The following PCDHGA9 variants were observed in gnomAD, a reference collection of about 807,000 sequenced individuals.
PCDHGA9 encodes the protein protocadherin gamma subfamily A, 9.
PCDHGA9 carries 37 observed loss-of-function variants against 62.5 expected under a neutral mutation model. The ratio of observed to expected loss-of-function variants is 0.59; its 90% CI spans 0.46 to 0.78. The LOEUF (loss-of-function observed/expected upper bound fraction) is 0.78. Among genes scored for constraint, PCDHGA9 ranks in the 30% least tolerant of loss-of-function variants. The pLI, the probability that PCDHGA9 is intolerant of heterozygous loss-of-function variation, is 0.00. For missense variants in PCDHGA9, 1,138 were observed against 1,166.2 expected, an observed-to-expected ratio of 0.98 and a Z score of 0.35; for synonymous variants, 459 against 484.6, an observed-to-expected ratio of 0.95 and a Z score of 0.69.
intron 1 of PCDHGA9, among the ~76,000 whole-genome samples, chr5:141,459,812 A>G (rs1390780491): frequency 1.3e-5 from 2 of 152,232 alleles, no homozygotes; most frequent in South Asian, 2.1e-4. Context: ...GACTAGAGAC[A>G]CTGAGCAACT....
chr5:141,481,200 T>A (rs977235584), intron 1 of PCDHGA9, among the ~76,000 whole-genome samples: 2 of 152,178 alleles, frequency 1.3e-5, no homozygotes, highest in Non-Finnish European at 2.9e-5. Flanking sequence ...CCAATTTTTT[T>A]AAAAAACATG....
At chr5:141,501,334 C>CA (rs2099808390) in intron 2 of PCDHGA9, among the ~76,000 whole-genome samples, 1 of 145,376 alleles carries the variant, frequency 6.9e-6, no homozygotes, top group Non-Finnish European at 1.5e-5. Flanking sequence ...CACACACACA[C>CA]CCCAAACTCA....
At position 141,409,805 on chromosome 5, in the gene PCDHGA9, C is replaced by A. The variant is rs751397816; in HGVS notation, c.2424+4429C>A. On this transcript the variant is annotated intron_variant, in intron 1 of 3. Transcript: ENST00000573521. ...CGCCTTCGCGCTCACGCTGCAGGCC[C>A]GCGACCACGGCTCGCCCACGCTCAG... is the stretch of plus-strand genomic sequence containing the variant. 14 of 1,611,512 alleles carry A rather than the reference C, an allele frequency of 8.7e-6. No homozygotes were observed. Among genetic ancestry groups the A allele is most frequent in the Middle Eastern group, 1.6e-4 (1 of 6,072 alleles).
intron 1 of PCDHGA9, chr5:141,409,042 C>A: frequency 5.0e-6 from 8 of 1,614,034 alleles, no homozygotes; most frequent in Middle Eastern, 1.6e-4. Context: ...TAAACTACTA[C>A]TTCCGAAGCA....
In PCDHGA9 at chr5:141,403,394, C is replaced by A; in HGVS notation, c.442C>A (p.Pro148Thr). The A allele has an allele frequency of 6.2e-7, 1 of 1,614,054 alleles. No homozygotes were observed. The highest frequency in any genetic ancestry group is 1.1e-5 in the South Asian group (1 of 91,088). The change falls in exon 1 of 4, where the codon CCT (proline) becomes ACT (threonine). Residue 148 changes from proline (P) to threonine (T), a missense_variant. Coordinates refer to ENST00000573521, the MANE Select transcript of PCDHGA9 (RefSeq NM_018921.3). ...LEVKINEIAV[P>T]GARYPLPEAI... ...AGTAAAAATTAACGAAATCGCGGTT[C>A]CTGGAGCACGTTATCCACTTCCAGA... is the stretch of plus-strand genomic sequence containing the variant.
chr5:141,467,376 A>G (rs1391386659), intron 1 of PCDHGA9, among the ~76,000 whole-genome samples: 2 of 151,990 alleles, frequency 1.3e-5, no homozygotes. Flanking sequence ...CTTATATTGC[A>G]TTTAGGTTTT....
chr5:141,406,781 T>C (rs1054583306), intron 1 of PCDHGA9, among the ~76,000 whole-genome samples: 4 of 152,218 alleles, frequency 2.6e-5, no homozygotes, highest in Non-Finnish European at 5.9e-5. Context: ...CTCTCACTTA[T>C]ATATTATTTC....
At chr5:141,426,153 T>C (rs928934950) in intron 1 of PCDHGA9, 12 of 154,130 alleles carry the variant, frequency 7.8e-5, no homozygotes, top group African/African-American at 2.6e-4. Flanking sequence ...CTCCTGCAAA[T>C]CTGATTCCAT....
intron 1 of PCDHGA9, among the ~76,000 whole-genome samples, chr5:141,405,840 A>G (rs1005736499): frequency 6.6e-6 from 1 of 152,188 alleles, no homozygotes; most frequent in African/African-American, 2.4e-5. Flanking sequence ...GTATAAGTTG[A>G]TATCAGTGTG....
chr5:141,479,324 C>G (rs2099492748), intron 1 of PCDHGA9: 1 of 152,556 alleles, frequency 6.6e-6, no homozygotes, highest in Admixed American at 6.5e-5. Context: ...TAGCCAGACT[C>G]AGTGGTGTGC....
chr5:141,499,402 A>G (rs2099791723), intron 2 of PCDHGA9, among the ~76,000 whole-genome samples: 2 of 152,212 alleles, frequency 1.3e-5, no homozygotes, highest in South Asian at 4.1e-4. Context: ...GTACATGCTC[A>G]TTATAGAAAC....
intron 1 of PCDHGA9, among the ~76,000 whole-genome samples, chr5:141,460,365 A>G (rs887924740): frequency 6.6e-6 from 1 of 152,180 alleles, no homozygotes; most frequent in African/African-American, 2.4e-5. Context: ...TAGAAGTTTT[A>G]TAGTTTTACC....
At chr5:141,407,563 A>T (rs1483622352) in intron 1 of PCDHGA9, among the ~76,000 whole-genome samples, 1 of 152,032 alleles carries the variant, frequency 6.6e-6, no homozygotes, top group Non-Finnish European at 1.5e-5. Context: ...ACATAAGCTG[A>T]AAGATAAAAT....
chr5:141,418,620 A>T lies in PCDHGA9; in HGVS notation c.2424+13244A>T, dbSNP rs762197476. 180 of 1,613,904 alleles carry T rather than the reference A, an allele frequency of 1.1e-4. No homozygotes were observed. The highest frequency in any genetic ancestry group is 1.5e-4 in the Non-Finnish European group (172 of 1,179,900). On this transcript the variant is annotated intron_variant, in intron 1 of 3. Coordinates refer to ENST00000573521, the MANE Select transcript of PCDHGA9 (RefSeq NM_018921.3). The stretch of plus-strand genomic sequence containing the variant: ...GTGTACAGGGTTAGCCTTCGGGAAG[A>T]CGTGCCTCCAGGCACCTCCATCCTG...
rs377061064 is a variant in PCDHGA9, at chr5:141,505,429, C to A, written c.2520C>A (p.Asn840Lys). 1.2e-6 allele frequency: 2 copies of A among 1,614,116 alleles called. No homozygotes were observed. Among genetic ancestry groups the A allele is most frequent in the African/African-American group, 1.3e-5 (1 of 74,938 alleles). Residue 840 changes from asparagine (N) to lysine (K), a missense_variant, in exon 3 of 4, where the codon AAC becomes AAA. Asn to Lys is a moderately conservative substitution (Grantham distance 94, BLOSUM62 0). Coordinates refer to ENST00000573521, the MANE Select transcript of PCDHGA9 (RefSeq NM_018921.3). ...QNGDDTGTWP[N>K]NQFDTEMLQA... ...GCGATGACACCGGCACCTGGCCCAA[C>A]AACCAGTTTGACACAGAGATGCTGC...
intron 1 of PCDHGA9, among the ~76,000 whole-genome samples, chr5:141,450,315 G>A (rs1319432573): frequency 1.3e-5 from 2 of 151,918 alleles, no homozygotes; most frequent in African/African-American, 4.8e-5. Context: ...GTGTGGCCTA[G>A]TTGCCATGTC....
intron 3 of PCDHGA9, 154 bp from the exon 4 acceptor site, chr5:141,510,793 G>A: frequency 1.1e-6 from 1 of 935,078 alleles, no homozygotes; most frequent in Non-Finnish European, 1.3e-6. Context: ...CTCTTGTGAA[G>A]AGAGACTACC....
chr5:141,485,416 C>T lies in PCDHGA9; in HGVS notation c.2425-9391C>T, dbSNP rs1311879785. On this transcript the variant is annotated intron_variant, in intron 1 of 3. Coordinates refer to ENST00000573521, the MANE Select transcript of PCDHGA9 (RefSeq NM_018921.3). This position sits in a 1 kb window ranked among gnomAD's most constrained non-coding sequence, Gnocchi z 5.7. Reference sequence around the variant, plus strand: ...GACACTTCCGTGTGGATTTGGACAGCGGAGCCCTGCTCATCAAGAACCCAA... The same window carrying T: ...GACACTTCCGTGTGGATTTGGACAGTGGAGCCCTGCTCATCAAGAACCCAA... 10 of 1,613,988 alleles carry T rather than the reference C, an allele frequency of 6.2e-6. No individual in the cohort carries two copies. Among genetic ancestry groups the T allele is most frequent in the South Asian group, 4.4e-5 (4 of 91,086 alleles).
Position 141,477,968 on chromosome 5 carries a change from C to T in PCDHGA9, c.2425-16839C>T. 6.2e-7 allele frequency: 1 copy of T among 1,614,140 alleles called. No individual in the cohort carries two copies. Among genetic ancestry groups the T allele is most frequent in the Non-Finnish European group, 8.5e-7 (1 of 1,180,042 alleles). The stretch of plus-strand genomic sequence containing the variant: ...TCTCTTGGGATCCCCTAACCAGAGC[C>T]TTTTTGCCATAGGGCTGCACACTGG... On this transcript the variant is annotated intron_variant, in intron 1 of 3. Transcript: ENST00000573521. The surrounding 1 kb of genome is among the most constrained non-coding windows in gnomAD (Gnocchi z 4.9).
Sources: allele counts gnomAD v4.1 joint callset (sites outside exome capture counted in the v4.1 genomes callset), GRCh38; gene constraint gnomAD v4.1.1; non-coding constraint Gnocchi (gnomAD v3.1); transcripts MANE v1.5; gene names NCBI Gene and HGNC (gene_info 2026-07-23, HGNC 2026-07-21).